IKBKE: variants seen among roughly 807,000 people sequenced by gnomAD.
IKBKE encodes inhibitor of nuclear factor kappa-B kinase subunit epsilon.
A neutral mutation model predicts 92.1 loss-of-function variants in IKBKE; 45 were observed. The observed-to-expected ratio is 0.49, with a 90% CI of 0.38 to 0.63. The LOEUF is 0.63. IKBKE is among the 20% of genes least tolerant of loss of function. The pLI is 0.00. For missense variants in IKBKE, 700 were observed against 932.8 expected (o/e 0.75, Z 3.25); for synonymous variants, 374 against 380.3 (o/e 0.98, Z 0.19).
Position 206,496,243 on chromosome 1 carries a change from C to A in IKBKE, c.*98C>A. 1.0e-6 allele frequency: 1 copy of A among 981,226 alleles called. No individual in the cohort carries two copies. Among genetic ancestry groups the A allele is most frequent in the Non-Finnish European group, 1.6e-6 (1 of 607,174 alleles). The allele number at this position is 981,226 out of a possible 1,614,324, so 60.8% of individuals were successfully genotyped here. ...AACCCAGGGCAAGATCCCATCCCAT[C>A]ACATCAGCCTACCTCCCTCCTGGCT... On this transcript the variant is annotated 3_prime_UTR_variant, in exon 22 of 22. Transcript: ENST00000581977.
In IKBKE at chr1:206,474,481, G is replaced by A. The variant is rs1421176439; in HGVS notation, c.228+10G>A. 1 of 1,610,352 alleles carries A rather than the reference G, an allele frequency of 6.2e-7. No individual in the cohort carries two copies. Among genetic ancestry groups the A allele is most frequent in the Non-Finnish European group, 8.5e-7 (1 of 1,177,794 alleles). On this transcript the variant is annotated intron_variant, in intron 4 of 21. Transcript: ENST00000581977. ...TGCGGTGGAGGAGACGGTAGGTCCGGTGCTTGGTCAGAGAATGGTCTTGTC... is the reference window on the plus strand; with the variant it reads ...TGCGGTGGAGGAGACGGTAGGTCCGATGCTTGGTCAGAGAATGGTCTTGTC...
chr1:206,478,314 C>T lies in IKBKE; in HGVS notation c.967C>T (p.His323Tyr), dbSNP rs1553386055. Residue 323 changes from histidine to tyrosine, a missense_variant, in exon 9 of 22, where the codon CAC becomes TAC. Transcript: ENST00000581977. The surrounding 1 kb of genome is among the most constrained non-coding windows in gnomAD (Gnocchi z 4.8). ...VFSLSQAVLH[H>Y]IYIHAHNTIA... ...CTCCCTGTCCCAGGCAGTCCTGCAC[C>T]ACATCTATATCCATGCCCACAACAC... 2.5e-6 allele frequency: 4 copies of T among 1,613,808 alleles called. No individual in the cohort carries two copies. The highest frequency in any genetic ancestry group is 3.4e-6 in the Non-Finnish European group (4 of 1,180,036).
intron 13 of IKBKE, among the ~76,000 whole-genome samples, chr1:206,481,512 G>A (rs1213698932): frequency 1.3e-5 from 2 of 152,202 alleles, no homozygotes; most frequent in African/African-American, 4.8e-5. Flanking sequence ...CATCCAGACT[G>A]AGCCCCTCTC....
intron 1 of IKBKE, 119 bp downstream of exon 1, chr1:206,470,817 T>G (rs1489783996): frequency 1.3e-5 from 2 of 152,204 alleles, no homozygotes; most frequent in East Asian, 1.9e-4. Context: ...TGCTCTCACA[T>G]AGAGCGTTGT....
At chr1:206,471,674 C>A (rs553058257) in intron 2 of IKBKE, among the ~76,000 whole-genome samples, 37 of 152,320 alleles carry the variant, frequency 2.4e-4, no homozygotes, top group Middle Eastern at 3.4e-3. Context: ...TCATGCTGAG[C>A]TACTGTGTTG....
intron 12 of IKBKE, 128 bp from the exon 13 acceptor site, chr1:206,480,319 C>A: frequency 2.9e-6 from 1 of 346,046 alleles, no homozygotes; most frequent in Middle Eastern, 8.1e-4. Context: ...GGAGGCAGGC[C>A]GGAGGGGGAG....
At chr1:206,494,128 T>C in intron 21 of IKBKE, 137 bp downstream of exon 21, 1 of 681,312 alleles carries the variant, frequency 1.5e-6, no homozygotes, top group Non-Finnish European at 2.5e-6. Flanking sequence ...TGTTGAAGCT[T>C]AGGCATTTTC....
At chr1:206,477,723 C>T (rs782321264) in intron 7 of IKBKE, 26 bp from the exon 8 acceptor site, 15 of 1,430,604 alleles carry the variant, frequency 1.0e-5, no homozygotes, top group African/African-American at 2.8e-5. Context: ...CTGGGGATCC[C>T]GCTGACCTGG....
intron 13 of IKBKE, among the ~76,000 whole-genome samples, chr1:206,483,428 C>T (rs11118092): frequency 0.29 from 44,382 of 152,078 alleles, 7,817 homozygotes; most frequent in Middle Eastern, 0.43. Flanking sequence ...CTTCAGCATC[C>T]GTGCACTGAC....
chr1:206,479,931 C>T lies in IKBKE; in HGVS notation c.1245C>T (p.Ala415=). ...ACCTGCAGGCGGATTACAACACTGC[C>T]AAGGTGAGGGGCAACCCCCAGGTGG... ...KVDLQADYNT[A]KGVLGAGYQA... The change falls in exon 11 of 22, where the codon GCC becomes GCT. Residue 415 remains alanine, a synonymous_variant. Coordinates refer to ENST00000581977, the MANE Select transcript of IKBKE (RefSeq NM_014002.4). 3 of 1,613,806 alleles carry T rather than the reference C, an allele frequency of 1.9e-6. No individual in the cohort carries two copies. The highest frequency in any genetic ancestry group is 1.7e-6 in the Non-Finnish European group (2 of 1,179,944).
Position 206,493,321 on chromosome 1 carries a change from C to A in IKBKE, c.1988C>A (p.Ala663Asp). 1 of 1,614,038 alleles carries A rather than the reference C, an allele frequency of 6.2e-7. No homozygotes were observed. Among genetic ancestry groups the A allele is most frequent in the Non-Finnish European group, 8.5e-7 (1 of 1,180,022 alleles). ...CAGGACCGAGCAAAGGGGGCTCAGG[C>A]CTCGCCGCCTCCCATAGCTCCTTAC... ...LLQDRAKGAQASPPPIAPYPS... is the reference protein window; with the variant it reads ...LLQDRAKGAQDSPPPIAPYPS... The change falls in exon 20 of 22, where the codon GCC becomes GAC. Residue 663 changes from alanine to aspartate, a missense_variant. Transcript: ENST00000581977.
In IKBKE at chr1:206,496,248, C is replaced by A; in HGVS notation, c.*103C>A. On this transcript the variant is annotated 3_prime_UTR_variant, in exon 22 of 22. Transcript: ENST00000581977. Reference sequence around the variant, plus strand: ...AGGGCAAGATCCCATCCCATCACATCAGCCTACCTCCCTCCTGGCTGCTGG... The same window carrying A: ...AGGGCAAGATCCCATCCCATCACATAAGCCTACCTCCCTCCTGGCTGCTGG... The A allele has an allele frequency of 1.1e-6, 1 of 918,610 alleles. No individual in the cohort carries two copies. Among genetic ancestry groups the A allele is most frequent in the South Asian group, 1.3e-5 (1 of 74,400 alleles). The allele number at this position is 918,610 out of a possible 1,614,324, so 56.9% of individuals were successfully genotyped here.
intron 3 of IKBKE, among the ~76,000 whole-genome samples, chr1:206,474,015 C>T (rs979028602): frequency 4.6e-5 from 7 of 151,194 alleles, no homozygotes; most frequent in Non-Finnish European, 1.0e-4. Context: ...AGGTTCCAAT[C>T]CCTTCCCTGC....
intron 13 of IKBKE, among the ~76,000 whole-genome samples, chr1:206,484,775 AC>A (rs1665568679): frequency 6.6e-6 from 1 of 152,240 alleles, no homozygotes; most frequent in African/African-American, 2.4e-5. Flanking sequence ...ATCTGTCTCA[AC>A]CTTTATTATT....
intron 13 of IKBKE, among the ~76,000 whole-genome samples, chr1:206,482,537 G>A (rs997392507): frequency 4.6e-5 from 7 of 152,214 alleles, no homozygotes; most frequent in Admixed American, 2.6e-4. Flanking sequence ...GGTGGCCTCC[G>A]TGGTGTGTCT....
Position 206,473,315 on chromosome 1 carries a change from G to A in IKBKE, c.87+1G>A. On this transcript the variant is annotated splice_donor_variant, in intron 3 of 21. Transcript: ENST00000581977. LOFTEE classifies it high-confidence loss of function. Reference sequence around the variant, plus strand: ...CAGTGTGTACAAGGCCCGCAACAAGGTAGGAAGCAACCCTGGCCAGGCCCT... The same window carrying A: ...CAGTGTGTACAAGGCCCGCAACAAGATAGGAAGCAACCCTGGCCAGGCCCT... The A allele has an allele frequency of 6.2e-7, 1 of 1,610,644 alleles. No homozygotes were observed. The highest frequency in any genetic ancestry group is 8.5e-7 in the Non-Finnish European group (1 of 1,178,194).
chr1:206,476,097 G>A lies in IKBKE; in HGVS notation c.359-84G>A. 1 of 1,352,978 alleles carries A rather than the reference G, an allele frequency of 7.4e-7. No individual in the cohort carries two copies. The highest frequency in any genetic ancestry group is 1.2e-5 in the South Asian group (1 of 82,054). The allele number at this position is 1,352,978 out of a possible 1,614,324, so 83.8% of individuals were successfully genotyped here. A position where few individuals can be genotyped will look rare whatever the true frequency, so the allele number is the denominator to read the frequency against. On this transcript the variant is annotated intron_variant, in intron 5 of 21. Coordinates refer to ENST00000581977, the MANE Select transcript of IKBKE (RefSeq NM_014002.4). This position sits in a 1 kb window ranked among gnomAD's most constrained non-coding sequence, Gnocchi z 5.1. ...GGAACTCCTGTCTCTCTGGATGCAA[G>A]GACAGCCTTCCCACCAAGATGAGCC...
intron 21 of IKBKE, among the ~76,000 whole-genome samples, chr1:206,495,262 C>T (rs903950143): frequency 9.2e-5 from 14 of 152,180 alleles, no homozygotes; most frequent in African/African-American, 3.4e-4. Flanking sequence ...TTACCAACTG[C>T]GTGACCCTGG....
At chr1:206,475,976 A>G (rs1665041785) in intron 5 of IKBKE, among the ~76,000 whole-genome samples, 1 of 151,482 alleles carries the variant, frequency 6.6e-6, no homozygotes, top group South Asian at 2.1e-4. Context: ...TAGAGAATCC[A>G]GATGGTACCT....
Sources: gnomAD v4.1 joint callset for allele counts (sites outside exome capture counted in the v4.1 genomes callset) on GRCh38, gnomAD v4.1.1 for gene constraint, Gnocchi (gnomAD v3.1) non-coding constraint, MANE v1.5 for transcripts, NCBI Gene and HGNC (gene_info 2026-07-23, HGNC 2026-07-21) for gene names.